The following CAMK4 variants were observed in gnomAD, a reference collection of about 807,000 sequenced individuals.
CAMK4 encodes calcium/calmodulin-dependent protein kinase type IV.
CAMK4 carries 22 observed loss-of-function variants against 44.9 expected under a neutral mutation model. That is an observed-to-expected ratio of 0.49 (90% CI 0.35 to 0.70). The LOEUF is 0.70. CAMK4 is among the 30% of genes least tolerant of loss of function. The probability of loss-of-function intolerance (pLI) is 0.01; values close to 1 mark genes in which losing one functional copy is unlikely to be tolerated. For missense variants in CAMK4, 498 were observed against 586.8 expected, an observed-to-expected ratio of 0.85 and a Z score of 1.56; for synonymous variants, 218 against 215.4, an observed-to-expected ratio of 1.01 and a Z score of -0.11.
chr5:111,432,352 C>G (rs1031658872), intron 5 of CAMK4, among the ~76,000 whole-genome samples: 6 of 151,740 alleles, frequency 4.0e-5, no homozygotes, highest in Non-Finnish European at 7.4e-5. Flanking sequence ...TTACCAGAGG[C>G]TGGGAAGTGT....
intron 4 of CAMK4, among the ~76,000 whole-genome samples, chr5:111,387,713 CATAA>C (rs1261863582): frequency 2.6e-5 from 4 of 152,126 alleles, no homozygotes; most frequent in Non-Finnish European, 5.9e-5. Context: ...GTATTGATTC[CATAA>C]ATATTTACTT....
At chr5:111,439,044 T>C (rs1169452341) in intron 5 of CAMK4, among the ~76,000 whole-genome samples, 1 of 152,200 alleles carries the variant, frequency 6.6e-6, no homozygotes, top group Non-Finnish European at 1.5e-5. Context: ...GCACAGTCCC[T>C]ACAACTTTCC....
chr5:111,275,553 ATAGACT>A (rs1285694582), intron 1 of CAMK4, among the ~76,000 whole-genome samples: 1 of 152,018 alleles, frequency 6.6e-6, no homozygotes, highest in Non-Finnish European at 1.5e-5. Flanking sequence ...TCTGACAGTA[ATAGACT>A]TAGAATCCCA....
chr5:111,427,516 C>A (rs1264734468), intron 5 of CAMK4, among the ~76,000 whole-genome samples: 1 of 152,192 alleles, frequency 6.6e-6, no homozygotes. Flanking sequence ...CAGAGGGGAG[C>A]CCACTGCCAT....
At chr5:111,256,082 C>T (rs953775458) in intron 1 of CAMK4, among the ~76,000 whole-genome samples, 1 of 152,108 alleles carries the variant, frequency 6.6e-6, no homozygotes, top group Non-Finnish European at 1.5e-5. Flanking sequence ...TGTCTTACAT[C>T]CATACCATGG....
intron 7 of CAMK4, among the ~76,000 whole-genome samples, chr5:111,456,494 A>C (rs1229698057): frequency 5.0e-5 from 1 of 20,072 alleles, no homozygotes; most frequent in Non-Finnish European, 3.6e-4. Context: ...CCATCTCAAA[A>C]AATAAAAATA....
At position 111,482,674 on chromosome 5, in the gene CAMK4, T is replaced by C. The variant is rs1755473422; in HGVS notation, c.829-111T>C. 3.4e-6 allele frequency: 3 copies of C among 870,028 alleles called. No individual in the cohort carries two copies. Among genetic ancestry groups the C allele is most frequent in the South Asian group, 3.7e-5 (2 of 53,574 alleles). 53.9% of individuals were successfully genotyped at this position (870,028 alleles called of 1,614,324 possible). ...ACTTAAACAATTTTTTTCTCACATA[T>C]ATTTAGTGGTACTGCTGGGAAATGG... On this transcript the variant is annotated intron_variant, in intron 9 of 10. Transcript: ENST00000282356. This position sits in a 1 kb window ranked among gnomAD's most constrained non-coding sequence, Gnocchi z 4.9.
intron 1 of CAMK4, among the ~76,000 whole-genome samples, chr5:111,267,303 C>G (rs1580504760): frequency 6.6e-6 from 1 of 152,068 alleles, no homozygotes; most frequent in African/African-American, 2.4e-5. Flanking sequence ...GTCATTGTTT[C>G]CAGGCTTTCC....
At chr5:111,443,989 G>A (rs933101322) in intron 5 of CAMK4, among the ~76,000 whole-genome samples, 52 of 152,078 alleles carry the variant, frequency 3.4e-4, no homozygotes, top group Non-Finnish European at 4.0e-4. Flanking sequence ...GGTATCATTC[G>A]TGGTCGAGCA....
chr5:111,439,399 G>A (rs1050924397), intron 5 of CAMK4, among the ~76,000 whole-genome samples: 1 of 152,078 alleles, frequency 6.6e-6, no homozygotes, highest in Non-Finnish European at 1.5e-5. Context: ...AAGGAGGTGG[G>A]GATACACAAG....
chr5:111,405,100 C>T (rs563521216), intron 5 of CAMK4, among the ~76,000 whole-genome samples: 34 of 152,188 alleles, frequency 2.2e-4, no homozygotes, highest in African/African-American at 7.5e-4. Context: ...AGAGGGAATA[C>T]GCTATTTGAT....
At chr5:111,312,883 T>C (rs921532865) in intron 1 of CAMK4, among the ~76,000 whole-genome samples, 1 of 152,150 alleles carries the variant, frequency 6.6e-6, no homozygotes, top group Non-Finnish European at 1.5e-5. Context: ...GACTTCACGT[T>C]TTAATGCGGC....
At chr5:111,274,215 C>T (rs1750662040) in intron 1 of CAMK4, among the ~76,000 whole-genome samples, 1 of 152,114 alleles carries the variant, frequency 6.6e-6, no homozygotes, top group Non-Finnish European at 1.5e-5. Flanking sequence ...ATCAGAAGTT[C>T]CTTGATGTTC....
intron 9 of CAMK4, among the ~76,000 whole-genome samples, chr5:111,479,774 A>G (rs1343539446): frequency 2.0e-5 from 3 of 152,098 alleles, no homozygotes; most frequent in Non-Finnish European, 4.4e-5. Context: ...GGGAAGAGAA[A>G]GTCAGTGTGT....
At chr5:111,271,916 C>A (rs1448741335) in intron 1 of CAMK4, among the ~76,000 whole-genome samples, 1 of 152,158 alleles carries the variant, frequency 6.6e-6, no homozygotes, top group Non-Finnish European at 1.5e-5. Flanking sequence ...ATCCAGATGT[C>A]ATTGGTGTCT....
chr5:111,483,518 T>C (rs1755502951), intron 10 of CAMK4, among the ~76,000 whole-genome samples: 1 of 152,202 alleles, frequency 6.6e-6, no homozygotes, highest in Admixed American at 6.5e-5. Context: ...ATTAGGGTCC[T>C]ATGCAGCCAT....
chr5:111,318,759 A>G (rs1287519024), intron 1 of CAMK4, among the ~76,000 whole-genome samples: 17 of 152,166 alleles, frequency 1.1e-4, no homozygotes, highest in Non-Finnish European at 2.1e-4. Flanking sequence ...ACAAATACAA[A>G]TATTTGACAG....
Sources: gnomAD v4.1 joint callset for allele counts (sites outside exome capture counted in the v4.1 genomes callset) on GRCh38, gnomAD v4.1.1 for gene constraint, Gnocchi (gnomAD v3.1) non-coding constraint, MANE v1.5 for transcripts, NCBI Gene and HGNC (gene_info 2026-07-23, HGNC 2026-07-21) for gene names.